The following FABP12 variants were observed in gnomAD, a reference collection of about 807,000 sequenced individuals.
FABP12 encodes fatty acid binding protein 12.
FABP12 carries 19 observed loss-of-function variants against 13.7 expected under a neutral mutation model. That is an observed-to-expected ratio of 1.39 (90% CI 0.97 to 2.04). The LOEUF is 2.04. Among genes scored for constraint, FABP12 ranks in the 30% most tolerant of loss-of-function variants. The pLI is 0.00. For synonymous variants in FABP12, 61 were observed against 57.0 expected (o/e 1.07, Z -0.32); for missense variants, 182 against 164.2 (o/e 1.11, Z -0.59).
chr8:81,584,437 T>C (rs2581534), intron 1 of FABP12, among the ~76,000 whole-genome samples: 144,958 of 152,282 alleles, frequency 0.95, 69,039 homozygotes, highest in East Asian at 1. Flanking sequence ...CTTACCAGCC[T>C]CCATTGCCAC....
chr8:81,570,425 AAG>A (rs1451240696), intron 1 of FABP12, among the ~76,000 whole-genome samples: 1 of 152,198 alleles, frequency 6.6e-6, no homozygotes, highest in African/African-American at 2.4e-5. Flanking sequence ...GAGCAAGACA[AAG>A]AGGAGCTTTA....
chr8:81,587,731 T>C (rs1159739325), intron 1 of FABP12, among the ~76,000 whole-genome samples: 2 of 152,090 alleles, frequency 1.3e-5, no homozygotes, highest in Non-Finnish European at 2.9e-5. Context: ...TCTAGGAGCC[T>C]GTATTAGTCA....
intron 3 of FABP12, among the ~76,000 whole-genome samples, chr8:81,527,377 T>C (rs1187244202): frequency 1.3e-5 from 2 of 152,208 alleles, no homozygotes; most frequent in Non-Finnish European, 2.9e-5. Flanking sequence ...TTTCTTTTTT[T>C]TTGAGACAGA....
chr8:81,543,029 A>G (rs1043864530), intron 1 of FABP12, among the ~76,000 whole-genome samples: 7 of 152,214 alleles, frequency 4.6e-5, no homozygotes, highest in Admixed American at 3.9e-4. Flanking sequence ...CCACTGTTCT[A>G]TCAAAAGCTT....
chr8:81,579,848 G>A (rs895686894), intron 1 of FABP12, among the ~76,000 whole-genome samples: 12 of 152,072 alleles, frequency 7.9e-5, no homozygotes, highest in African/African-American at 1.4e-4. Flanking sequence ...TCTTAAAAAT[G>A]TACAGATATG....
At chr8:81,578,974 G>A (rs1585860023) in intron 1 of FABP12, among the ~76,000 whole-genome samples, 1 of 150,892 alleles carries the variant, frequency 6.6e-6, no homozygotes, top group Non-Finnish European at 1.5e-5. Flanking sequence ...GACTACAGGC[G>A]CCCGCCACCA....
intron 1 of FABP12, among the ~76,000 whole-genome samples, chr8:81,561,134 C>A (rs1432818374): frequency 1.3e-5 from 2 of 152,178 alleles, no homozygotes; most frequent in African/African-American, 4.8e-5. Flanking sequence ...CTAGTCTAGT[C>A]TATTTTTGGT....
intron 1 of FABP12, among the ~76,000 whole-genome samples, chr8:81,572,531 A>G (rs1301066674): frequency 6.6e-6 from 1 of 152,176 alleles, no homozygotes; most frequent in Non-Finnish European, 1.5e-5. Context: ...AAATCTCCAC[A>G]CTGTTTTCCA....
At position 81,588,411 on chromosome 8, in the gene FABP12, C is replaced by G. The variant is rs146518078; in HGVS notation, c.-185+1642G>C. 2.2e-3 allele frequency among the ~76,000 whole-genome samples: 337 copies of G among 152,258 alleles called. 2 individuals carry two copies. Among genetic ancestry groups the G allele is most frequent in the African/African-American group, 7.2e-3 (300 of 41,546 alleles). ...ATTTTATATTCTTTGTAAATTGTAG[C>G]TATTACAAATGGGATTGCTTACTTG... On this transcript the variant is annotated intron_variant, in intron 1 of 5. Coordinates refer to the FABP12 transcript ENST00000692030.
chr8:81,546,341 A>C (rs1348603419), intron 1 of FABP12, among the ~76,000 whole-genome samples: 1 of 152,082 alleles, frequency 6.6e-6, no homozygotes, highest in Non-Finnish European at 1.5e-5. Flanking sequence ...CATTATAGGA[A>C]TCTTAACTAT....
intron 1 of FABP12, among the ~76,000 whole-genome samples, chr8:81,577,434 A>G (rs1810068073): frequency 6.6e-6 from 1 of 152,196 alleles, no homozygotes; most frequent in Admixed American, 6.5e-5. Flanking sequence ...CTGCTTTAAT[A>G]TATTTAGTTA....
At chr8:81,579,672 C>T (rs982820332) in intron 1 of FABP12, among the ~76,000 whole-genome samples, 2 of 152,058 alleles carry the variant, frequency 1.3e-5, no homozygotes, top group East Asian at 1.9e-4. Context: ...TTCATGACTT[C>T]GTTCTTAAGT....
chr8:81,525,558 T>C (rs1453644336), intron 4 of FABP12, among the ~76,000 whole-genome samples: 1 of 150,828 alleles, frequency 6.6e-6, no homozygotes, highest in African/African-American at 2.4e-5. Flanking sequence ...AGATAGATGA[T>C]AGATAGATAG....
intron 1 of FABP12, among the ~76,000 whole-genome samples, chr8:81,562,516 C>G (rs1415276532): frequency 1.3e-5 from 2 of 152,166 alleles, no homozygotes; most frequent in African/African-American, 4.8e-5. Flanking sequence ...CATTTCTGGA[C>G]CTGCCCTGGA....
At chr8:81,588,262 T>A (rs1218739305) in intron 1 of FABP12, among the ~76,000 whole-genome samples, 1 of 152,234 alleles carries the variant, frequency 6.6e-6, no homozygotes, top group Non-Finnish European at 1.5e-5. Context: ...GGGCAGAGAC[T>A]GTGGGGTTTT....
chr8:81,581,883 C>T (rs1165597109), intron 1 of FABP12, among the ~76,000 whole-genome samples: 1 of 151,948 alleles, frequency 6.6e-6, no homozygotes, highest in East Asian at 1.9e-4. Flanking sequence ...CACACAAAAA[C>T]ATGAAAACAA....
intron 1 of FABP12, among the ~76,000 whole-genome samples, chr8:81,586,413 C>T (rs1415867053): frequency 6.6e-6 from 1 of 152,154 alleles, no homozygotes; most frequent in Non-Finnish European, 1.5e-5. Context: ...TTTGAGAAAT[C>T]TTCAGACTGC....
At chr8:81,573,032 G>A (rs932708526) in intron 1 of FABP12, among the ~76,000 whole-genome samples, 5 of 152,136 alleles carry the variant, frequency 3.3e-5, no homozygotes, top group Non-Finnish European at 7.4e-5. Context: ...CTAAGCTAAT[G>A]TCTAGAGGGT....
At position 81,533,872 on chromosome 8, in the gene FABP12, G is replaced by A. The variant is rs1809152940; in HGVS notation, c.-146C>T. On this transcript the variant is annotated 5_prime_UTR_variant, in exon 1 of 5. Transcript: ENST00000360464. Reference sequence around the variant, plus strand: ...CTGATCTCACGATGGACTTCTGCTGGACATACCTGACTTGATGACTCTGTG... The same window carrying A: ...CTGATCTCACGATGGACTTCTGCTGAACATACCTGACTTGATGACTCTGTG... Among the ~76,000 whole-genome samples the A allele has an allele frequency of 6.6e-6, 1 of 152,068 alleles. No individual in the cohort carries two copies. The highest frequency in any genetic ancestry group is 2.1e-4 in the South Asian group (1 of 4,812).
Sources: allele counts gnomAD v4.1 joint callset (sites outside exome capture counted in the v4.1 genomes callset), GRCh38; gene constraint gnomAD v4.1.1; transcripts MANE v1.5; gene names NCBI Gene and HGNC (gene_info 2026-07-23, HGNC 2026-07-21).